RAB38: variants seen among roughly 807,000 people sequenced by gnomAD.
The protein encoded by RAB38 is ras-related protein Rab-38.
In RAB38, 15 loss-of-function variants were observed where a neutral mutation model predicts 18.4. That is an observed-to-expected ratio of 0.82 (90% CI 0.55 to 1.26). RAB38 has a LOEUF of 1.26. Among genes scored for constraint, RAB38 ranks in the 50% most tolerant of loss-of-function variants. The pLI, the probability that RAB38 is intolerant of heterozygous loss-of-function variation, is 0.00. For missense variants in RAB38, 294 were observed against 267.4 expected (o/e 1.10, Z -0.69); for synonymous variants, 101 against 104.4 (o/e 0.97, Z 0.20).
At chr11:87,809,705 T>G in the RAB38 span, among the ~76,000 whole-genome samples, 1 of 152,176 alleles carries the variant, frequency 6.6e-6, no homozygotes, top group African/African-American at 2.4e-5. Flanking sequence ...AAAAATAAGT[T>G]TTGGGAAGAT....
At chr11:87,830,455 T>C in the RAB38 span, among the ~76,000 whole-genome samples, 1 of 151,502 alleles carries the variant, frequency 6.6e-6, no homozygotes, top group East Asian at 2.0e-4. Context: ...CACTGCAGCC[T>C]GGGTGACAGA....
chr11:88,076,299 C>T, the RAB38 span, among the ~76,000 whole-genome samples: 1 of 152,004 alleles, frequency 6.6e-6, no homozygotes, highest in African/African-American at 2.4e-5. Context: ...CCATACATAA[C>T]AAACCTACAG....
In RAB38 at chr11:88,138,928, G is replaced by A. The variant is rs909536749; in HGVS notation, c.483+10747C>T. 3.3e-5 allele frequency among the ~76,000 whole-genome samples: 5 copies of A among 151,820 alleles called. No homozygotes were observed. In the East Asian group the frequency reaches 5.8e-4, roughly 18 times the overall value. On this transcript the variant is annotated intron_variant, in intron 2 of 2. Coordinates refer to ENST00000243662, the MANE Select transcript of RAB38 (RefSeq NM_022337.3). Reference sequence around the variant, plus strand: ...CTCCCGAGTAGCTGGGACTACAGGCGCCCGCCACCACGCCTGGCTAATTTT... The same window carrying A: ...CTCCCGAGTAGCTGGGACTACAGGCACCCGCCACCACGCCTGGCTAATTTT...
chr11:88,092,374 GAGAGAGAGAGAGAGAGAGAGAGAGAGA>G, the RAB38 span, among the ~76,000 whole-genome samples: 1,605 of 25,530 alleles, frequency 0.063, 455 homozygotes, highest in Non-Finnish European at 0.14. Context: ...GAGAGAGAGA[GAGAGAGAGAGAGAGAGAGAGAGAGAGA>G]GAGAGAGAGA....
chr11:88,142,895 G>A (rs1942934289), intron 2 of RAB38, among the ~76,000 whole-genome samples: 1 of 152,144 alleles, frequency 6.6e-6, no homozygotes, highest in African/African-American at 2.4e-5. Flanking sequence ...GCTCCATTTT[G>A]TCACATTTCT....
At chr11:87,951,129 ATTCAT>A in the RAB38 span, among the ~76,000 whole-genome samples, 6 of 151,590 alleles carry the variant, frequency 4.0e-5, no homozygotes, top group Admixed American at 3.9e-4. Flanking sequence ...GCTTCATTTC[ATTCAT>A]TTCATCTTCC....
At chr11:87,935,394 C>T in the RAB38 span, among the ~76,000 whole-genome samples, 59 of 152,188 alleles carry the variant, frequency 3.9e-4, no homozygotes, top group African/African-American at 1.4e-3. Flanking sequence ...CAACCCTCTT[C>T]ACCCCCATCC....
chr11:87,912,833 T>G, the RAB38 span, among the ~76,000 whole-genome samples: 1 of 146,774 alleles, frequency 6.8e-6, no homozygotes, highest in Admixed American at 6.9e-5. Flanking sequence ...TTCAGCACTA[T>G]AGTATTTTTC....
the RAB38 span, among the ~76,000 whole-genome samples, chr11:87,936,309 A>G: frequency 6.6e-6 from 1 of 152,168 alleles, no homozygotes; most frequent in African/African-American, 2.4e-5. Context: ...TTTTGAATTA[A>G]TGTAGAAGGT....
At chr11:88,157,279 C>T (rs919714202) in intron 1 of RAB38, among the ~76,000 whole-genome samples, 36 of 152,234 alleles carry the variant, frequency 2.4e-4, no homozygotes, top group African/African-American at 8.2e-4. Context: ...CGGCTCAATT[C>T]GACAATAAGA....
chr11:88,051,444 G>A, the RAB38 span, among the ~76,000 whole-genome samples: 8 of 151,786 alleles, frequency 5.3e-5, no homozygotes, highest in South Asian at 6.2e-4. Context: ...CAAGCAGGAC[G>A]GATAGAAGCA....
At chr11:88,151,090 A>C (rs1279245891) in intron 1 of RAB38, among the ~76,000 whole-genome samples, 1 of 152,196 alleles carries the variant, frequency 6.6e-6, no homozygotes, top group Non-Finnish European at 1.5e-5. Context: ...AGCTGGAATC[A>C]ATTTTGCTCT....
the RAB38 span, among the ~76,000 whole-genome samples, chr11:87,968,576 A>G: frequency 6.6e-6 from 1 of 152,128 alleles, no homozygotes; most frequent in Non-Finnish European, 1.5e-5. Context: ...AATTCTATCA[A>G]TATTACTCAA....
chr11:87,880,435 G>A, the RAB38 span, among the ~76,000 whole-genome samples: 1 of 151,804 alleles, frequency 6.6e-6, no homozygotes, highest in African/African-American at 2.4e-5. Context: ...TAACAGCCTA[G>A]ATCTCCAAGT....
At chr11:88,065,919 G>A in the RAB38 span, among the ~76,000 whole-genome samples, 18 of 152,208 alleles carry the variant, frequency 1.2e-4, no homozygotes, top group South Asian at 3.5e-3. Context: ...CGGGCTTTTC[G>A]ATGGGAAGTT....
the RAB38 span, among the ~76,000 whole-genome samples, chr11:88,078,161 A>C: frequency 1.3e-5 from 2 of 152,082 alleles, no homozygotes; most frequent in African/African-American, 4.8e-5. Flanking sequence ...AAAAGATGAG[A>C]TAAAGATGCT....
At chr11:87,887,473 T>G in the RAB38 span, among the ~76,000 whole-genome samples, 2 of 151,978 alleles carry the variant, frequency 1.3e-5, no homozygotes, top group African/African-American at 4.8e-5. Context: ...AATATGATAT[T>G]CCACACCAAG....
the RAB38 span, among the ~76,000 whole-genome samples, chr11:87,915,765 T>G: frequency 2.6e-5 from 4 of 152,142 alleles, no homozygotes; most frequent in Non-Finnish European, 2.9e-5. Context: ...TTGAATTCTT[T>G]CTTGTGTGAG....
chr11:88,032,283 G>C, the RAB38 span, among the ~76,000 whole-genome samples: 1 of 152,182 alleles, frequency 6.6e-6, no homozygotes, highest in East Asian at 1.9e-4. Flanking sequence ...AACCCTAGAA[G>C]AAAACCTAGG....
Sources: allele counts gnomAD v4.1 joint callset (sites outside exome capture counted in the v4.1 genomes callset), GRCh38; gene constraint gnomAD v4.1.1; transcripts MANE v1.5; gene names NCBI Gene and HGNC (gene_info 2026-07-23, HGNC 2026-07-21).